The following NRXN1 variants were observed in gnomAD, a reference collection of about 807,000 sequenced individuals.
NRXN1 encodes the protein neurexin 1, also known as neurexin-1.
A neutral mutation model predicts 150.9 loss-of-function variants in NRXN1; 39 were observed. The ratio of observed to expected loss-of-function variants is 0.26; its 90% CI spans 0.20 to 0.34. The LOEUF (loss-of-function observed/expected upper bound fraction) is 0.34. Ranked by LOEUF, NRXN1 falls within the 10% of genes least tolerant of loss-of-function variation. The probability of loss-of-function intolerance (pLI) is 1.00; values close to 1 mark genes in which losing one functional copy is unlikely to be tolerated. For synonymous variants in NRXN1, 924 were observed against 757.0 expected, an observed-to-expected ratio of 1.22 and a Z score of -3.62; for missense variants, 1,815 against 1,949.9, an observed-to-expected ratio of 0.93 and a Z score of 1.30.
At chr2:50,764,192 A>C (rs924666165) in intron 5 of NRXN1, among the ~76,000 whole-genome samples, 1 of 151,834 alleles carries the variant, frequency 6.6e-6, no homozygotes. Context: ...TCAAATACCT[A>C]CTACATGCCA....
At chr2:50,255,942 C>T (rs1465775299) in intron 17 of NRXN1, among the ~76,000 whole-genome samples, 1 of 152,090 alleles carries the variant, frequency 6.6e-6, no homozygotes, top group Non-Finnish European at 1.5e-5. Context: ...CTCTTCCTTC[C>T]TTGGAATACT....
chr2:50,899,352 GA>G (rs1325712669), intron 5 of NRXN1, among the ~76,000 whole-genome samples: 1 of 152,094 alleles, frequency 6.6e-6, no homozygotes, highest in Non-Finnish European at 1.5e-5. Flanking sequence ...TAAATGCTTT[GA>G]CAATGACAAA....
chr2:50,070,087 C>A (rs1175950639), intron 19 of NRXN1, among the ~76,000 whole-genome samples: 1 of 151,802 alleles, frequency 6.6e-6, no homozygotes, highest in Non-Finnish European at 1.5e-5. Context: ...CCTGACCTTG[C>A]GATCTGCCCG....
chr2:50,632,049 T>C (rs542883582), intron 5 of NRXN1, among the ~76,000 whole-genome samples: 1 of 152,100 alleles, frequency 6.6e-6, no homozygotes, highest in South Asian at 2.1e-4. Context: ...ATAATGTTAT[T>C]ATATTCAAGG....
At chr2:50,377,277 G>A (rs1282900924) in intron 17 of NRXN1, among the ~76,000 whole-genome samples, 2 of 151,988 alleles carry the variant, frequency 1.3e-5, no homozygotes, top group Non-Finnish European at 2.9e-5. Flanking sequence ...GCCCCAGTGT[G>A]TGTTATTCTC....
chr2:50,980,574 T>A (rs1696631357), intron 2 of NRXN1, among the ~76,000 whole-genome samples: 1 of 152,130 alleles, frequency 6.6e-6, no homozygotes, highest in African/African-American at 2.4e-5. Flanking sequence ...TAACCACTAC[T>A]GTAACATGTT....
intron 2 of NRXN1, among the ~76,000 whole-genome samples, chr2:50,999,193 T>G (rs1699717620): frequency 6.6e-6 from 1 of 152,080 alleles, no homozygotes; most frequent in Non-Finnish European, 1.5e-5. Context: ...GATACCTCTT[T>G]AGCTAGATAA....
intron 17 of NRXN1, among the ~76,000 whole-genome samples, chr2:50,409,610 A>T (rs2104049203): frequency 6.6e-6 from 1 of 152,342 alleles, no homozygotes; most frequent in Non-Finnish European, 1.5e-5. Flanking sequence ...ATTATACTCA[A>T]GATGAGGATT....
chr2:50,334,649 T>C (rs1281032851), intron 17 of NRXN1, among the ~76,000 whole-genome samples: 1 of 152,202 alleles, frequency 6.6e-6, no homozygotes, highest in Non-Finnish European at 1.5e-5. Flanking sequence ...AGGGAATGTA[T>C]GAATATGTGA....
intron 21 of NRXN1, among the ~76,000 whole-genome samples, chr2:49,983,244 GCCGCTGT>G (rs1680279181): frequency 6.6e-6 from 1 of 152,104 alleles, no homozygotes; most frequent in African/African-American, 2.4e-5. Context: ...CAAGGGATGA[GCCGCTGT>G]CCACTTCATC....
chr2:50,969,244 T>C (rs1219914777), intron 2 of NRXN1, among the ~76,000 whole-genome samples: 1 of 152,160 alleles, frequency 6.6e-6, no homozygotes, highest in Non-Finnish European at 1.5e-5. Context: ...ATTAATTCAC[T>C]GATTTTTTCC....
chr2:50,323,054 T>G (rs2076153215), intron 17 of NRXN1, among the ~76,000 whole-genome samples: 1 of 152,144 alleles, frequency 6.6e-6, no homozygotes, highest in Admixed American at 6.6e-5. Flanking sequence ...CTTCTAAGAG[T>G]CAGCTCATAG....
chr2:50,263,773 C>G (rs2068554627), intron 17 of NRXN1, among the ~76,000 whole-genome samples: 1 of 152,054 alleles, frequency 6.6e-6, no homozygotes, highest in East Asian at 1.9e-4. Flanking sequence ...ATCTTAACAC[C>G]TAGTTCAATA....
chr2:49,963,558 T>C (rs541236969), intron 21 of NRXN1, among the ~76,000 whole-genome samples: 1 of 152,160 alleles, frequency 6.6e-6, no homozygotes, highest in East Asian at 1.9e-4. Flanking sequence ...AATCACGCAA[T>C]GAGATGTGAA....
At chr2:49,961,347 C>T (rs562376146) in intron 21 of NRXN1, among the ~76,000 whole-genome samples, 40 of 151,094 alleles carry the variant, frequency 2.6e-4, no homozygotes, top group Admixed American at 4.6e-4. Context: ...CACACACACA[C>T]ATCAATCTCT....
chr2:50,887,315 C>T (rs1323023040), intron 5 of NRXN1, among the ~76,000 whole-genome samples: 2 of 151,428 alleles, frequency 1.3e-5, no homozygotes, highest in South Asian at 4.1e-4. Context: ...AAAAACTAAG[C>T]AGCTAAATAT....
intron 5 of NRXN1, among the ~76,000 whole-genome samples, chr2:50,823,619 A>C (rs1670037397): frequency 6.6e-6 from 1 of 152,132 alleles, no homozygotes; most frequent in South Asian, 2.1e-4. Flanking sequence ...CCTTAAGTAC[A>C]AAGTGTTTTG....
At chr2:50,216,611 T>G (rs1574541733) in intron 18 of NRXN1, among the ~76,000 whole-genome samples, 1 of 152,002 alleles carries the variant, frequency 6.6e-6, no homozygotes, top group African/African-American at 2.4e-5. Flanking sequence ...GAGTTTTTTC[T>G]TTCTTATTTT....
At chr2:50,915,771 A>G (rs950492801) in intron 5 of NRXN1, among the ~76,000 whole-genome samples, 2 of 151,274 alleles carry the variant, frequency 1.3e-5, no homozygotes, top group African/African-American at 4.8e-5. Flanking sequence ...TGCACACGGT[A>G]TCTTTTCCTT....
Sources: gnomAD v4.1 joint callset for allele counts (sites outside exome capture counted in the v4.1 genomes callset) on GRCh38, gnomAD v4.1.1 for gene constraint, MANE v1.5 for transcripts, NCBI Gene and HGNC (gene_info 2026-07-23, HGNC 2026-07-21) for gene names.